The following MTA3 variants were observed in gnomAD, a reference collection of about 807,000 sequenced individuals.
MTA3 encodes the protein metastasis-associated protein MTA3.
A neutral mutation model predicts 83.5 loss-of-function variants in MTA3; 34 were observed. The ratio of observed to expected loss-of-function variants is 0.41; its 90% confidence interval spans 0.31 to 0.54. The LOEUF is 0.54. MTA3 is among the 20% of genes least tolerant of loss of function. The pLI, the probability that MTA3 is intolerant of heterozygous loss-of-function variation, is 0.33. For synonymous variants in MTA3, 303 were observed against 252.7 expected, an observed-to-expected ratio of 1.20 and a Z score of -1.89; for missense variants, 761 against 726.4, an observed-to-expected ratio of 1.05 and a Z score of -0.55.
intron 16 of MTA3, among the ~76,000 whole-genome samples, chr2:42,734,155 GTC>G (rs34385201): frequency 0.54 from 81,030 of 150,596 alleles, 22,226 homozygotes; most frequent in East Asian, 0.68. Context: ...TTGTTTTGTG[GTC>G]TCTCTCTCTC....
intron 3 of MTA3, among the ~76,000 whole-genome samples, chr2:42,600,627 T>C (rs1365445644): frequency 1.3e-5 from 2 of 151,898 alleles, no homozygotes; most frequent in African/African-American, 2.4e-5. Context: ...CTGCAACCTC[T>C]GCCTCCTGGG....
At chr2:42,744,070 C>G (rs1397601773) in intron 16 of MTA3, among the ~76,000 whole-genome samples, 1 of 152,024 alleles carries the variant, frequency 6.6e-6, no homozygotes, top group African/African-American at 2.4e-5. Flanking sequence ...CTTTGAGATT[C>G]AAAAAAATAT....
In MTA3 at chr2:42,516,827, A is replaced by T. The variant is rs766160019; in HGVS notation, c.-141+21573A>T. 4.6e-5 allele frequency among the ~76,000 whole-genome samples: 7 copies of T among 152,354 alleles called. No individual in the cohort carries two copies. The East Asian group carries it at 7.7e-4, about 17-fold the overall frequency. On this transcript the variant is annotated intron_variant, in intron 2 of 17. Transcript: ENST00000405592. Reference sequence around the variant, plus strand: ...ACCTTAGGTCAGGAAATAATGAAGCATGAAAATGCAGTATCTGCCAGCTGT... The same window carrying T: ...ACCTTAGGTCAGGAAATAATGAAGCTTGAAAATGCAGTATCTGCCAGCTGT...
chr2:42,710,963 C>T (rs1490537312), intron 14 of MTA3, among the ~76,000 whole-genome samples: 1 of 152,064 alleles, frequency 6.6e-6, no homozygotes, highest in Non-Finnish European at 1.5e-5. Flanking sequence ...CCTGTAATCC[C>T]AGCTGCTTGG....
chr2:42,742,846 C>T (rs1669131425), intron 16 of MTA3, among the ~76,000 whole-genome samples: 1 of 152,040 alleles, frequency 6.6e-6, no homozygotes, highest in Non-Finnish European at 1.5e-5. Context: ...TATTTCTTAC[C>T]TAAAAATATG....
intron 3 of MTA3, among the ~76,000 whole-genome samples, chr2:42,604,750 C>G (rs1683032554): frequency 6.9e-6 from 1 of 145,900 alleles, no homozygotes; most frequent in Admixed American, 6.9e-5. Flanking sequence ...GTGTTTGTGT[C>G]CCTGATTACT....
intron 14 of MTA3, among the ~76,000 whole-genome samples, chr2:42,710,988 A>G (rs887629940): frequency 6.6e-6 from 1 of 152,178 alleles, no homozygotes; most frequent in African/African-American, 2.4e-5. Flanking sequence ...CTGAGGCAAG[A>G]GAATCACTTG....
Position 42,755,399 on chromosome 2 carries a change from G to T in MTA3, c.*2000G>T. ...CCAAGAGATTTGGAGACAGGAGTCA[G>T]GCCAGGTCTGAAGCAGGAGAAGGGA... On this transcript the variant is annotated 3_prime_UTR_variant, in exon 17 of 17. Transcript: ENST00000405094. 1 of 985,478 alleles carries T rather than the reference G, an allele frequency of 1.0e-6. No individual in the cohort carries two copies. Among genetic ancestry groups the T allele is most frequent in the Non-Finnish European group, 1.2e-6 (1 of 829,970 alleles). The allele number at this position is 985,478 out of a possible 1,614,324, so 61.0% of individuals were successfully genotyped here.
At chr2:42,571,167 G>T (rs538516163) in intron 2 of MTA3, among the ~76,000 whole-genome samples, 1 of 151,554 alleles carries the variant, frequency 6.6e-6, no homozygotes, top group South Asian at 2.1e-4. Context: ...CCAAGGAGGG[G>T]GTGGATCACT....
At chr2:42,687,002 C>G (rs1408765039) in intron 9 of MTA3, among the ~76,000 whole-genome samples, 1 of 151,800 alleles carries the variant, frequency 6.6e-6, no homozygotes, top group East Asian at 1.9e-4. Context: ...TGGCACATGC[C>G]TATAATACCA....
intron 9 of MTA3, among the ~76,000 whole-genome samples, chr2:42,687,558 T>C (rs1692496744): frequency 6.6e-6 from 1 of 152,204 alleles, no homozygotes; most frequent in South Asian, 2.1e-4. Context: ...TTTTTGTTTC[T>C]CTTGGGAAAT....
intron 2 of MTA3, among the ~76,000 whole-genome samples, chr2:42,542,603 G>T (rs1229447015): frequency 1.3e-5 from 2 of 152,094 alleles, no homozygotes; most frequent in Non-Finnish European, 2.9e-5. Flanking sequence ...CCAGGCAAGA[G>T]TGTAGTGGCA....
intron 16 of MTA3, among the ~76,000 whole-genome samples, chr2:42,724,274 A>AC (rs1491474675): frequency 5.3e-5 from 5 of 93,700 alleles, no homozygotes; most frequent in Admixed American, 1.1e-4. Context: ...GTAAGTCCTG[A>AC]AAAACACACA....
chr2:42,603,604 A>G (rs1558484940), intron 3 of MTA3, among the ~76,000 whole-genome samples: 1 of 152,186 alleles, frequency 6.6e-6, no homozygotes, highest in South Asian at 2.1e-4. Context: ...TCTGTGGTAA[A>G]TTTCTTAAAG....
At chr2:42,725,829 G>A (rs1410570802) in intron 16 of MTA3, among the ~76,000 whole-genome samples, 1 of 152,222 alleles carries the variant, frequency 6.6e-6, no homozygotes, top group Non-Finnish European at 1.5e-5. Context: ...GAGCCAGACA[G>A]CAAAGGGGAA....
chr2:42,583,800 T>G (rs1267879346), intron 3 of MTA3, among the ~76,000 whole-genome samples: 1 of 151,766 alleles, frequency 6.6e-6, no homozygotes, highest in African/African-American at 2.4e-5. Context: ...CAAAGTGCCA[T>G]GATTGCAGGT....
intron 2 of MTA3, among the ~76,000 whole-genome samples, chr2:42,576,905 CAAAA>C (rs1285789973): frequency 2.7e-5 from 4 of 150,260 alleles, no homozygotes; most frequent in Non-Finnish European, 5.9e-5. Context: ...AACAAACAAA[CAAAA>C]AAACCAAAAC....
chr2:42,652,387 C>G (rs1024129198), intron 6 of MTA3, among the ~76,000 whole-genome samples: 1 of 152,186 alleles, frequency 6.6e-6, no homozygotes, highest in East Asian at 1.9e-4. Context: ...CATCCCCCCA[C>G]GTAAAAGACA....
chr2:42,499,933 C>T (rs1215419006), intron 2 of MTA3, among the ~76,000 whole-genome samples: 1 of 150,698 alleles, frequency 6.6e-6, no homozygotes, highest in Non-Finnish European at 1.5e-5. Context: ...GTATGTTAAT[C>T]ATACCTCAAT....
Sources: allele counts gnomAD v4.1 joint callset (sites outside exome capture counted in the v4.1 genomes callset), GRCh38; gene constraint gnomAD v4.1.1; transcripts MANE v1.5; gene names NCBI Gene and HGNC (gene_info 2026-07-23, HGNC 2026-07-21).